Variants in UGT2B4 observed in about 807,000 individuals in gnomAD.
UGT2B4 encodes UDP-glucuronosyltransferase 2B4.
Under a neutral mutation model 49.8 loss-of-function variants are expected in UGT2B4, and 49 were observed. The ratio of observed to expected loss-of-function variants is 0.98; its 90% CI spans 0.78 to 1.25. The LOEUF (loss-of-function observed/expected upper bound fraction) is 1.25. UGT2B4 is among the 50% of genes most tolerant of loss of function. The probability of loss-of-function intolerance (pLI) is 0.00; values close to 1 mark genes in which losing one functional copy is unlikely to be tolerated. For missense variants in UGT2B4, 729 were observed against 627.7 expected (o/e 1.16, Z -1.73); for synonymous variants, 246 against 217.7 (o/e 1.13, Z -1.14).
At chr4:69,494,106 C>A (rs907852194) in intron 1 of UGT2B4, among the ~76,000 whole-genome samples, 1 of 152,210 alleles carries the variant, frequency 6.6e-6, no homozygotes, top group South Asian at 2.1e-4. Context: ...TTCACAATCA[C>A]AAACAAGCCA....
In UGT2B4 at chr4:69,481,023, G is replaced by A. The variant is rs1727572268; in HGVS notation, c.1311-113C>T. On this transcript the variant is annotated intron_variant, in intron 5 of 5. Coordinates refer to ENST00000305107, the MANE Select transcript of UGT2B4 (RefSeq NM_021139.3). The stretch of plus-strand genomic sequence containing the variant: ...CGAGGTCGAGGCGGGCGGATCACGA[G>A]GTCAGGAGATCAAGACCATCCTGGC... 10 of 1,168,190 alleles carry A rather than the reference G, an allele frequency of 8.6e-6. No homozygotes were observed. In the South Asian group the frequency reaches 1.2e-4, roughly 14 times the overall value. The allele number at this position is 1,168,190 out of a possible 1,614,324, so 72.4% of individuals were successfully genotyped here. A position where few individuals can be genotyped will look rare whatever the true frequency, so the allele number is the denominator to read the frequency against.
At chr4:69,518,619 A>T (rs535621979) in intron 1 of UGT2B4, among the ~76,000 whole-genome samples, 1 of 152,322 alleles carries the variant, frequency 6.6e-6, no homozygotes, top group South Asian at 2.1e-4. Context: ...AATACCTAAA[A>T]TAGAGATAAT....
intron 1 of UGT2B4, among the ~76,000 whole-genome samples, chr4:69,521,235 C>T (rs954730161): frequency 2.6e-5 from 4 of 152,208 alleles, no homozygotes; most frequent in Non-Finnish European, 5.9e-5. Context: ...ACTGAAACAT[C>T]TGTAACACAA....
chr4:69,507,010 G>T (rs1465541073), intron 1 of UGT2B4, among the ~76,000 whole-genome samples: 1 of 152,086 alleles, frequency 6.6e-6, no homozygotes, highest in East Asian at 1.9e-4. Context: ...AGAGGCCTTC[G>T]ATAAAATTCA....
At chr4:69,504,784 C>G (rs559103693) in intron 1 of UGT2B4, among the ~76,000 whole-genome samples, 1 of 151,534 alleles carries the variant, frequency 6.6e-6, no homozygotes, top group African/African-American at 2.4e-5. Context: ...AGATTATCAT[C>G]AAGACACAAA....
chr4:69,518,087 T>A (rs1250626348), intron 1 of UGT2B4: 1 of 152,168 alleles, frequency 6.6e-6, no homozygotes, highest in African/African-American at 2.4e-5. Flanking sequence ...TGCCAGGAGG[T>A]CAAGCTTGAC....
rs541257666 is a variant in UGT2B4, at chr4:69,510,022, A to AT, written c.-105-14057dup. 4.1e-3 allele frequency among the ~76,000 whole-genome samples: 625 copies of AT among 152,170 alleles called. 5 individuals are homozygous for AT. Among genetic ancestry groups the AT allele is most frequent in the South Asian group, 0.026 (123 of 4,820 alleles). ...TAAGACTTTTATCTATTTTGAGTAG[A>AT]TTTTTTGTGTAGTGAATAGTAAGGA... On this transcript the variant is annotated intron_variant, in intron 1 of 1. Coordinates refer to the UGT2B4 transcript ENST00000510114.
chr4:69,508,532 A>G, intron 1 of UGT2B4, among the ~76,000 whole-genome samples: 1 of 152,302 alleles, frequency 6.6e-6, no homozygotes, highest in East Asian at 1.9e-4. Context: ...GGAAAAAAAG[A>G]ATGAGATTAT....
chr4:69,506,073 CA>C (rs1728459036), intron 1 of UGT2B4, among the ~76,000 whole-genome samples: 2 of 152,112 alleles, frequency 1.3e-5, no homozygotes, highest in Admixed American at 1.3e-4. Flanking sequence ...TAAACCCAAG[CA>C]GTGTTAAGAG....
chr4:69,482,589 T>G (rs1450068976), intron 5 of UGT2B4, among the ~76,000 whole-genome samples: 1 of 152,118 alleles, frequency 6.6e-6, no homozygotes, highest in Non-Finnish European at 1.5e-5. Flanking sequence ...ATTAAATTAA[T>G]TATGTAATAT....
intron 1 of UGT2B4, among the ~76,000 whole-genome samples, chr4:69,509,799 G>T (rs759913327): frequency 3.4e-4 from 51 of 151,762 alleles, no homozygotes; most frequent in Non-Finnish European, 6.0e-4. Flanking sequence ...CTGTTTCATA[G>T]ATTGCCTTTA....
chr4:69,494,621 G>C (rs557530667), intron 1 of UGT2B4, among the ~76,000 whole-genome samples: 5 of 152,160 alleles, frequency 3.3e-5, no homozygotes, highest in South Asian at 2.1e-4. Flanking sequence ...AACATGCATT[G>C]GTTTTTGATT....
At chr4:69,505,112 C>G (rs1249207592) in intron 1 of UGT2B4, among the ~76,000 whole-genome samples, 1 of 152,144 alleles carries the variant, frequency 6.6e-6, no homozygotes, top group East Asian at 1.9e-4. Context: ...CCAACCATTA[C>G]AAAAGCACAC....
chr4:69,504,602 T>G (rs899296063), intron 1 of UGT2B4, among the ~76,000 whole-genome samples: 1 of 152,162 alleles, frequency 6.6e-6, no homozygotes, highest in African/African-American at 2.4e-5. Context: ...TGAGATTTTG[T>G]AAAGAGACTA....
chr4:69,484,063 C>A (rs1007627327), intron 5 of UGT2B4, among the ~76,000 whole-genome samples: 2 of 152,002 alleles, frequency 1.3e-5, no homozygotes, highest in African/African-American at 2.4e-5. Context: ...ACATCAACAT[C>A]TCTGGCCATA....
upstream of UGT2B4, among the ~76,000 whole-genome samples, chr4:69,497,169 A>G (rs1009240050): frequency 6.6e-6 from 1 of 152,198 alleles, no homozygotes; most frequent in South Asian, 2.1e-4. Context: ...GGTCCAGCAT[A>G]CTGATGAAAC....
At chr4:69,521,336 C>G (rs762489377) in intron 1 of UGT2B4, among the ~76,000 whole-genome samples, 1 of 152,148 alleles carries the variant, frequency 6.6e-6, no homozygotes, top group Non-Finnish European at 1.5e-5. Flanking sequence ...CTAAGGTCTC[C>G]CCAGCCAGGG....
At position 69,485,302 on chromosome 4, in the gene UGT2B4, T is replaced by C. The variant is rs1029294975; in HGVS notation, c.1216A>G (p.Met406Val). ...CTAACAGCTGCTCCCTTGGCCTTCATGTGTGCAATGTTATCAGGTTGATCT... is the reference window on the plus strand; with the variant it reads ...CTAACAGCTGCTCCCTTGGCCTTCACGTGTGCAATGTTATCAGGTTGATCT... ...FADQPDNIAH[M>V]KAKGAAVSLD... Residue 406 changes from methionine (M) to valine (V), a missense_variant, in exon 5 of 6, where the codon ATG becomes GTG. Physicochemically the swap from Met to Val is conservative, Grantham distance 21. Coordinates refer to ENST00000305107, the MANE Select transcript of UGT2B4 (RefSeq NM_021139.3). The C allele has an allele frequency of 1.2e-6, 2 of 1,614,038 alleles. No individual in the cohort carries two copies. The highest frequency in any genetic ancestry group is 8.5e-7 in the Non-Finnish European group (1 of 1,179,948).
In UGT2B4 at chr4:69,493,843, T is replaced by A; in HGVS notation, c.722-2A>T. On this transcript the variant is annotated splice_acceptor_variant, in intron 1 of 5. Coordinates refer to ENST00000305107, the MANE Select transcript of UGT2B4 (RefSeq NM_021139.3). LOFTEE classifies it high-confidence loss of function. ...TCTCAGATAACGTAGTGGGTCTTCC[T>A]GATGGGGGAAAAAAAAAGAAAAGAT... The A allele has an allele frequency of 6.3e-7, 1 of 1,580,864 alleles. No homozygotes were observed. The highest frequency in any genetic ancestry group is 8.6e-7 in the Non-Finnish European group (1 of 1,169,132).
Sources: gnomAD v4.1 joint callset for allele counts (sites outside exome capture counted in the v4.1 genomes callset) on GRCh38, gnomAD v4.1.1 for gene constraint, MANE v1.5 for transcripts, NCBI Gene and HGNC (gene_info 2026-07-23, HGNC 2026-07-21) for gene names.